The following SAMD4A variants were observed in gnomAD, a reference collection of about 807,000 sequenced individuals.
The protein encoded by SAMD4A is sterile alpha motif domain containing 4A, also known as protein Smaug homolog 1.
Under a neutral mutation model 81.3 loss-of-function variants are expected in SAMD4A, and 33 were observed. The observed-to-expected ratio is 0.41, with a 90% CI of 0.31 to 0.54. The LOEUF is 0.54. Ranked by LOEUF, SAMD4A falls within the 20% of genes least tolerant of loss-of-function variation. SAMD4A has a pLI of 0.37. For synonymous variants in SAMD4A, 389 were observed against 382.1 expected, an observed-to-expected ratio of 1.02 and a Z score of -0.21; for missense variants, 854 against 951.1, an observed-to-expected ratio of 0.90 and a Z score of 1.34.
At chr14:54,691,560 A>G (rs2036442267) in intron 2 of SAMD4A, among the ~76,000 whole-genome samples, 2 of 138,364 alleles carry the variant, frequency 1.4e-5, no homozygotes, top group Non-Finnish European at 3.2e-5. Context: ...AAAAAAAAAA[A>G]AAAAAAAAAA....
At chr14:54,632,853 C>T (rs568193655) in intron 2 of SAMD4A, among the ~76,000 whole-genome samples, 49 of 152,194 alleles carry the variant, frequency 3.2e-4, no homozygotes, top group Admixed American at 8.5e-4. Flanking sequence ...TTGTTAGGCA[C>T]GTAGAAAGTA....
chr14:54,728,453 T>C (rs1036160037), intron 3 of SAMD4A, among the ~76,000 whole-genome samples: 2 of 152,022 alleles, frequency 1.3e-5, no homozygotes, highest in Non-Finnish European at 2.9e-5. Flanking sequence ...CAAATATAAT[T>C]AAGGAGCCAG....
At chr14:54,586,172 C>T (rs969206654) in intron 2 of SAMD4A, among the ~76,000 whole-genome samples, 4 of 152,190 alleles carry the variant, frequency 2.6e-5, no homozygotes, top group Non-Finnish European at 5.9e-5. Flanking sequence ...CTTTGCACTT[C>T]CCTGGTAATT....
chr14:54,727,117 CTG>C (rs2037434879), intron 3 of SAMD4A, among the ~76,000 whole-genome samples: 1 of 142,674 alleles, frequency 7.0e-6, no homozygotes, highest in Non-Finnish European at 1.5e-5. Context: ...ACAAAGAACA[CTG>C]TAATTCATAC....
intron 6 of SAMD4A, among the ~76,000 whole-genome samples, chr14:54,759,248 G>C (rs145541059): frequency 6.6e-6 from 1 of 152,128 alleles, no homozygotes. Context: ...TCCCATCTTA[G>C]ACTAGATTTC....
At chr14:54,676,289 C>T (rs2035992090) in intron 2 of SAMD4A, among the ~76,000 whole-genome samples, 1 of 152,168 alleles carries the variant, frequency 6.6e-6, no homozygotes, top group South Asian at 2.1e-4. Context: ...TCAAATCATC[C>T]TATGGTATTG....
intron 3 of SAMD4A, among the ~76,000 whole-genome samples, chr14:54,709,737 CA>C (rs1296043913): frequency 6.6e-6 from 1 of 152,196 alleles, no homozygotes; most frequent in Non-Finnish European, 1.5e-5. Flanking sequence ...AAGGCTTGGT[CA>C]ACTTTGTTTC....
At chr14:54,741,319 G>A (rs1222635179) in intron 4 of SAMD4A, among the ~76,000 whole-genome samples, 2 of 152,192 alleles carry the variant, frequency 1.3e-5, no homozygotes. Context: ...TTTGGCAGAA[G>A]ATGCACATTT....
intron 2 of SAMD4A, among the ~76,000 whole-genome samples, chr14:54,651,463 A>G (rs4553503): frequency 0.55 from 82,179 of 150,728 alleles, 22,760 homozygotes; most frequent in East Asian, 0.81. Flanking sequence ...TTTTGTTGTC[A>G]TTTAACAGAT....
intron 9 of SAMD4A, among the ~76,000 whole-genome samples, chr14:54,770,704 G>A (rs2038680731): frequency 6.6e-6 from 1 of 152,232 alleles, no homozygotes; most frequent in South Asian, 2.1e-4. Context: ...CAGTCTCATA[G>A]TGGAGCAGTA....
chr14:54,646,886 T>A (rs947262941), intron 2 of SAMD4A, among the ~76,000 whole-genome samples: 10 of 152,348 alleles, frequency 6.6e-5, no homozygotes, highest in Admixed American at 5.9e-4. Flanking sequence ...TGCTTGCATT[T>A]AACTAATGGA....
At chr14:54,600,931 A>G (rs2034037106) in intron 2 of SAMD4A, among the ~76,000 whole-genome samples, 1 of 152,204 alleles carries the variant, frequency 6.6e-6, no homozygotes, top group Non-Finnish European at 1.5e-5. Context: ...TCAGCTATGC[A>G]TAGCTATGCC....
intron 2 of SAMD4A, among the ~76,000 whole-genome samples, chr14:54,660,382 G>T (rs1029117220): frequency 1.3e-5 from 2 of 152,212 alleles, no homozygotes; most frequent in South Asian, 4.1e-4. Flanking sequence ...TCAACCATCC[G>T]CTTCTCTGGA....
chr14:54,568,148 G>T, intron 2 of SAMD4A, 36 bp downstream of exon 2: 1 of 1,434,892 alleles, frequency 7.0e-7, no homozygotes, highest in Non-Finnish European at 9.1e-7. Flanking sequence ...CGTCCCGCCT[G>T]CCCAACCCCC....
Position 54,774,959 on chromosome 14 carries a change from C to A in SAMD4A, c.1741C>A (p.Leu581Ile). 1 of 1,614,226 alleles carries A rather than the reference C, an allele frequency of 6.2e-7. No individual in the cohort carries two copies. The highest frequency in any genetic ancestry group is 8.5e-7 in the Non-Finnish European group (1 of 1,180,044). ...RNRGFGQSNSLPTAGSVGGGM... is the reference protein window; with the variant it reads ...RNRGFGQSNSIPTAGSVGGGM... ...TCGAGGCTTTGGGCAATCCAACTCC[C>A]TCCCGACGGCTGGCTCTGTGGGCGG... The change falls in exon 10 of 13, where the codon CTC becomes ATC. Residue 581 changes from leucine to isoleucine, a missense_variant. Transcript: ENST00000554335.
Position 54,568,120 on chromosome 14 carries a change from T to A in SAMD4A, c.196+8T>A. ...GCGAGGCCAACAGCCCCGGTAAGTG[T>A]GCGGCGGCCGCCGCCGCCGTCCCGC... is the stretch of plus-strand genomic sequence containing the variant. On this transcript the variant is annotated splice_region_variant and intron_variant, in intron 2 of 12. Transcript: ENST00000554335. 1 of 1,478,064 alleles carries A rather than the reference T, an allele frequency of 6.8e-7. No homozygotes were observed. Among genetic ancestry groups the A allele is most frequent in the Non-Finnish European group, 8.9e-7 (1 of 1,121,846 alleles). 91.6% of individuals were successfully genotyped at this position (1,478,064 alleles called of 1,614,324 possible). A position where few individuals can be genotyped will look rare whatever the true frequency, so the allele number is the denominator to read the frequency against.
chr14:54,603,849 G>T lies in SAMD4A; in HGVS notation c.196+35737G>T, dbSNP rs181412985. Among the ~76,000 whole-genome samples, 3 of 152,052 alleles carry T rather than the reference G, an allele frequency of 2.0e-5. No homozygotes were observed. In the East Asian group the frequency reaches 5.8e-4, roughly 29 times the overall value. ...TTGTTTATTTATTTATTTTGAGATG[G>T]AGTCCTCGCTCTGTCTCCAGGCTGG... On this transcript the variant is annotated intron_variant, in intron 2 of 12. Transcript: ENST00000554335.
intron 10 of SAMD4A, 147 bp downstream of exon 10, chr14:54,775,282 T>C: frequency 1.2e-6 from 1 of 822,212 alleles, no homozygotes; most frequent in Non-Finnish European, 1.9e-6. Context: ...GGTAACAGCA[T>C]TGTTCGCGTT....
chr14:54,662,299 G>A (rs1269796136), intron 2 of SAMD4A, among the ~76,000 whole-genome samples: 1 of 152,178 alleles, frequency 6.6e-6, no homozygotes, highest in African/African-American at 2.4e-5. Context: ...AGGTCCACAG[G>A]GAGCTGAGAT....
Sources: allele counts gnomAD v4.1 joint callset (sites outside exome capture counted in the v4.1 genomes callset), GRCh38; gene constraint gnomAD v4.1.1; transcripts MANE v1.5; gene names NCBI Gene and HGNC (gene_info 2026-07-23, HGNC 2026-07-21).